Variants in KERA observed in about 807,000 individuals in gnomAD.
KERA encodes keratan sulfate proteoglycan keratocan.
A neutral mutation model predicts 26.4 loss-of-function variants in KERA; 25 were observed. The ratio of observed to expected loss-of-function variants is 0.95; its 90% CI spans 0.69 to 1.32. KERA has a LOEUF of 1.32. Ranked by LOEUF, KERA falls within the 40% of genes most tolerant of loss-of-function variation. KERA has a pLI of 0.00. For synonymous variants in KERA, 167 were observed against 146.1 expected (o/e 1.14, Z -1.03); for missense variants, 434 against 408.9 (o/e 1.06, Z -0.53).
At position 91,052,650 on chromosome 12, in the gene KERA, G is replaced by C. The variant is rs182743858; in HGVS notation, c.887-1132C>G. 2.7e-4 allele frequency among the ~76,000 whole-genome samples: 41 copies of C among 151,526 alleles called. No individual in the cohort carries two copies. The East Asian group carries it at 7.6e-3, about 28-fold the overall frequency. On this transcript the variant is annotated intron_variant, in intron 2 of 2. Coordinates refer to ENST00000266719, the MANE Select transcript of KERA (RefSeq NM_007035.4). ...CCTGATCATCTCACAGGCTTTATCA[G>C]CCAATATTATTATTCTACATACCTG... is the stretch of plus-strand genomic sequence containing the variant.
Position 91,055,436 on chromosome 12 carries a change from A to G in KERA, c.846T>C (p.Ala282=), listed in dbSNP as rs781187455. ...GATCAAGGTGAAGGTGCTGCAGATGAGCACTGATTCGGGGAACCTTTGTGA... is the reference window on the plus strand; with the variant it reads ...GATCAAGGTGAAGGTGCTGCAGATGGGCACTGATTCGGGGAACCTTTGTGA... The part of the protein sequence containing the change: ...NQLTKVPRIS[A]HLQHLHLDHN... Residue 282 remains alanine (A), a synonymous_variant, in exon 2 of 3, where the codon GCT becomes GCC. Coordinates refer to ENST00000266719, the MANE Select transcript of KERA (RefSeq NM_007035.4). 2 of 1,610,440 alleles carry G rather than the reference A, an allele frequency of 1.2e-6. No homozygotes were observed. The highest frequency in any genetic ancestry group is 3.4e-5 in the Admixed American group (2 of 59,698).
Position 91,055,916 on chromosome 12 carries a change from C to T in KERA, c.366G>A (p.Lys122=). The T allele has an allele frequency of 1.2e-6, 2 of 1,611,108 alleles. No individual in the cohort carries two copies. Among genetic ancestry groups the T allele is most frequent in the Non-Finnish European group, 1.7e-6 (2 of 1,178,168 alleles). Residue 122 remains lysine, a synonymous_variant, in exon 2 of 3, where the codon AAG becomes AAA. Transcript: ENST00000266719. ...TATCTTCCAGAAATAAGAAGAGCAACTTCTTCAGCTGGCTTAGGGCTCCTT... is the reference window on the plus strand; with the variant it reads ...TATCTTCCAGAAATAAGAAGAGCAATTTCTTCAGCTGGCTTAGGGCTCCTT... ...IEKGALSQLK[K]LLFLFLEDNE... is the part of the protein sequence containing the mutation.
At chr12:91,054,477 G>A (rs1322567457) in intron 2 of KERA, among the ~76,000 whole-genome samples, 1 of 151,194 alleles carries the variant, frequency 6.6e-6, no homozygotes, top group African/African-American at 2.4e-5. Flanking sequence ...GCTAGGTATC[G>A]TACCCCTGTG....
chr12:91,052,233 T>A (rs747029970), intron 2 of KERA, among the ~76,000 whole-genome samples: 7 of 151,486 alleles, frequency 4.6e-5, no homozygotes, highest in Non-Finnish European at 7.4e-5. Context: ...GCACCTGCCT[T>A]GGATCAAAGC....
At chr12:91,056,614 C>G (rs948633997) in intron 1 of KERA, among the ~76,000 whole-genome samples, 4 of 151,056 alleles carry the variant, frequency 2.6e-5, no homozygotes, top group Non-Finnish European at 5.9e-5. Flanking sequence ...GAACTGAAAC[C>G]AGTAGTTGAA....
intron 2 of KERA, among the ~76,000 whole-genome samples, chr12:91,053,027 A>G (rs1467878433): frequency 6.6e-6 from 1 of 151,512 alleles, no homozygotes; most frequent in African/African-American, 2.4e-5. Flanking sequence ...AAATATTTCC[A>G]TCATATTGCT....
At chr12:91,053,225 T>C (rs1878909442) in intron 2 of KERA, among the ~76,000 whole-genome samples, 2 of 151,418 alleles carry the variant, frequency 1.3e-5, no homozygotes, top group Admixed American at 1.3e-4. Flanking sequence ...TTTATTTTCT[T>C]AAATATTGAA....
chr12:91,055,771 G>A lies in KERA; in HGVS notation c.511C>T (p.Leu171Phe). 6.2e-7 allele frequency: 1 copy of A among 1,611,466 alleles called. No homozygotes were observed. The highest frequency in any genetic ancestry group is 1.1e-5 in the South Asian group (1 of 91,038). ...ACTAATTTGTTGTTCTGTAGGTCAA[G>A]AAGGGTCAGGTTCTCCAGATTGCTA... Reference protein sequence around the residue: ...TFSNLENLTLLDLQNNKLVDN... With the variant: ...TFSNLENLTLFDLQNNKLVDN... The change falls in exon 2 of 3, where the codon CTT (leucine) becomes TTT (phenylalanine). Residue 171 changes from leucine to phenylalanine, a missense_variant. Coordinates refer to ENST00000266719, the MANE Select transcript of KERA (RefSeq NM_007035.4).
In KERA at chr12:91,055,393, T is replaced by C. The variant is rs764168664; in HGVS notation, c.886+3A>G. The C allele has an allele frequency of 1.2e-6, 2 of 1,609,226 alleles. No individual in the cohort carries two copies. Among genetic ancestry groups the C allele is most frequent in the Non-Finnish European group, 1.7e-6 (2 of 1,176,588 alleles). On this transcript the variant is annotated splice_donor_region_variant and intron_variant, in intron 2 of 2. Transcript: ENST00000266719. The stretch of plus-strand genomic sequence containing the variant: ...TCAAAGACATACTCTGCAGGTTACT[T>C]ACTTTTAATTTTGTTATGATCAAGG...
At chr12:91,052,605 T>C (rs1050583480) in intron 2 of KERA, among the ~76,000 whole-genome samples, 1 of 151,562 alleles carries the variant, frequency 6.6e-6, no homozygotes, top group East Asian at 1.9e-4. Context: ...TTCTCTTTTT[T>C]TACATACATC....
In KERA at chr12:91,055,379, C is replaced by G. The variant is rs1878967835; in HGVS notation, c.886+17G>C. ...CATGAGCCCTTTAGTCAAAGACATA[C>G]TCTGCAGGTTACTTACTTTTAATTT... On this transcript the variant is annotated intron_variant, in intron 2 of 2. Transcript: ENST00000266719. 2.5e-6 allele frequency: 4 copies of G among 1,605,402 alleles called. No individual in the cohort carries two copies. The highest frequency in any genetic ancestry group is 1.3e-5 in the African/African-American group (1 of 74,474).
rs140257820 is a variant in KERA at position 91,055,949 on chromosome 12, T to G, written c.333A>C (p.Gly111=). 66 of 1,611,030 alleles carry G rather than the reference T, an allele frequency of 4.1e-5. No individual in the cohort carries two copies. In the African/African-American group the frequency reaches 8.7e-4, roughly 21 times the overall value. ...NLNKNKITNY[G]IEKGALSQLK... Reference sequence around the variant, plus strand: ...GCTGGCTTAGGGCTCCTTTTTCAATTCCGTAGTTGGTTATTTTGTTCTTGT... The same window carrying G: ...GCTGGCTTAGGGCTCCTTTTTCAATGCCGTAGTTGGTTATTTTGTTCTTGT... Residue 111 remains glycine, a synonymous_variant, in exon 2 of 3, where the codon GGA becomes GGC. Transcript: ENST00000266719.
In KERA at chr12:91,055,376, A is replaced by T. The variant is rs774974907; in HGVS notation, c.886+20T>A. ...GACCATGAGCCCTTTAGTCAAAGAC[A>T]TACTCTGCAGGTTACTTACTTTTAA... is the stretch of plus-strand genomic sequence containing the variant. On this transcript the variant is annotated intron_variant, in intron 2 of 2. Transcript: ENST00000266719. 10 of 1,604,310 alleles carry T rather than the reference A, an allele frequency of 6.2e-6. No individual in the cohort carries two copies. Among genetic ancestry groups the T allele is most frequent in the Admixed American group, 5.0e-5 (3 of 59,658 alleles).
In KERA at chr12:91,055,738, C is replaced by T. The variant is rs149224582; in HGVS notation, c.544G>A (p.Ala182Thr). 7.6e-5 allele frequency: 122 copies of T among 1,611,298 alleles called. No homozygotes were observed. The African/African-American group carries it at 1.6e-3, about 21-fold the overall frequency. The stretch of plus-strand genomic sequence containing the variant: ...CCTTTAAAAGTGTCTCTTTGAAAGG[C>T]ATTGTCCACTAATTTGTTGTTCTGT... ...DLQNNKLVDN[A>T]FQRDTFKGLK... The change falls in exon 2 of 3, where the codon GCC becomes ACC. Residue 182 changes from alanine (A) to threonine (T), a missense_variant. Coordinates refer to ENST00000266719, the MANE Select transcript of KERA (RefSeq NM_007035.4).
Position 91,055,689 on chromosome 12 carries a change from T to A in KERA, c.593A>T (p.Asn198Ile). 6.2e-7 allele frequency: 1 copy of A among 1,611,426 alleles called. No homozygotes were observed. Among genetic ancestry groups the A allele is most frequent in the Non-Finnish European group, 8.5e-7 (1 of 1,178,234 alleles). The stretch of plus-strand genomic sequence containing the variant: ...ATTCCTCAGGGCATTCTTGGCCATG[T>A]TTAGCTGCATGAGATTCTTGAGTCC... The part of the protein sequence containing the change: ...FKGLKNLMQL[N>I]MAKNALRNMP... Residue 198 changes from asparagine (N) to isoleucine (I), a missense_variant, in exon 2 of 3, where the codon AAC becomes ATC. Transcript: ENST00000266719.
intron 2 of KERA, among the ~76,000 whole-genome samples, chr12:91,052,353 T>C (rs1274467124): frequency 6.6e-6 from 1 of 151,624 alleles, no homozygotes; most frequent in East Asian, 1.9e-4. Context: ...CATGAATCCA[T>C]ATATTACCTT....
chr12:91,051,319 C>G lies in KERA; in HGVS notation c.*27G>C. The G allele has an allele frequency of 6.3e-7, 1 of 1,595,424 alleles. No homozygotes were observed. The highest frequency in any genetic ancestry group is 8.6e-7 in the Non-Finnish European group (1 of 1,164,306). On this transcript the variant is annotated 3_prime_UTR_variant, in exon 3 of 3. Coordinates refer to ENST00000266719, the MANE Select transcript of KERA (RefSeq NM_007035.4). ...TTCATGTCAGAAACAGCTCATTAAA[C>G]TAATTTTAGATTTGGTGAGAATGTG... is the stretch of plus-strand genomic sequence containing the variant.
Position 91,055,575 on chromosome 12 carries a change from A to T in KERA, c.707T>A (p.Ile236Asn). 6.2e-7 allele frequency: 1 copy of T among 1,610,928 alleles called. No individual in the cohort carries two copies. Among genetic ancestry groups the T allele is most frequent in the Non-Finnish European group, 8.5e-7 (1 of 1,177,964 alleles). Reference sequence around the variant, plus strand: ...TAGTCTCAAAAAGGCCACTTTAGGAATCACATTAAAATAATTTTCTGGTAT... The same window carrying T: ...TAGTCTCAAAAAGGCCACTTTAGGATTCACATTAAAATAATTTTCTGGTAT... ...EGIPENYFNVIPKVAFLRLNH... is the reference protein window; with the variant it reads ...EGIPENYFNVNPKVAFLRLNH... Residue 236 changes from isoleucine to asparagine, a missense_variant, in exon 2 of 3, where the codon ATT (isoleucine) becomes AAT (asparagine). Coordinates refer to ENST00000266719, the MANE Select transcript of KERA (RefSeq NM_007035.4).
At chr12:91,051,711 T>G (rs2245775) in intron 2 of KERA, among the ~76,000 whole-genome samples, 193 bp from the exon 3 acceptor site, 1 of 151,418 alleles carries the variant, frequency 6.6e-6, no homozygotes, top group East Asian at 1.9e-4. Flanking sequence ...TTCAGCAAAC[T>G]TAACAGTCAT....
Sources: gnomAD v4.1 joint callset for allele counts (sites outside exome capture counted in the v4.1 genomes callset) on GRCh38, gnomAD v4.1.1 for gene constraint, MANE v1.5 for transcripts, NCBI Gene and HGNC (gene_info 2026-07-23, HGNC 2026-07-21) for gene names.